Variants in FRMPD1 observed in about 807,000 individuals in gnomAD.
The protein encoded by FRMPD1 is FERM and PDZ domain containing 1.
FRMPD1 carries 76 observed loss-of-function variants against 117.8 expected under a neutral mutation model. The observed-to-expected ratio is 0.65, with a 90% CI of 0.54 to 0.78. The LOEUF is 0.78. FRMPD1 is among the 30% of genes least tolerant of loss of function. FRMPD1 has a pLI of 0.00. For missense variants in FRMPD1, 1,786 were observed against 1,964.5 expected (o/e 0.91, Z 1.72); for synonymous variants, 783 against 770.4 (o/e 1.02, Z -0.27).
intron 6 of FRMPD1, among the ~76,000 whole-genome samples, chr9:37,722,680 A>C (rs1823449020): frequency 6.6e-6 from 1 of 152,032 alleles, no homozygotes; most frequent in Non-Finnish European, 1.5e-5. Context: ...AATCTTGGGA[A>C]CTCTAAAATT....
chr9:37,645,309 T>C, the FRMPD1 span, among the ~76,000 whole-genome samples: 1 of 152,208 alleles, frequency 6.6e-6, no homozygotes, highest in South Asian at 2.1e-4. Flanking sequence ...CCCAATTCTA[T>C]ACAAATATCT....
chr9:37,704,656 A>T, intron 2 of FRMPD1, among the ~76,000 whole-genome samples: 1 of 80,830 alleles, frequency 1.2e-5, no homozygotes, highest in African/African-American at 3.6e-5. Flanking sequence ...GTTGAGTGAG[A>T]TATATATATA....
At chr9:37,647,704 T>C (rs563965767), upstream of FRMPD1, among the ~76,000 whole-genome samples, 1 of 152,198 alleles carries the variant, frequency 6.6e-6, no homozygotes, top group South Asian at 2.1e-4. Context: ...AACAAATCAT[T>C]GTAATGGGTG....
intron 5 of FRMPD1, among the ~76,000 whole-genome samples, chr9:37,716,718 T>C (rs1275008954): frequency 6.6e-6 from 1 of 152,216 alleles, no homozygotes; most frequent in East Asian, 1.9e-4. Flanking sequence ...ACTCACTTTA[T>C]CTTGTTCCCT....
intron 7 of FRMPD1, chr9:37,728,096 A>G (rs908412712): frequency 3.3e-5 from 5 of 152,216 alleles, no homozygotes; most frequent in African/African-American, 1.2e-4. Flanking sequence ...AATACTTACC[A>G]TCTGCCAGGT....
In FRMPD1 at chr9:37,700,994, C is replaced by T. The variant is rs566101678; in HGVS notation, c.102-6422C>T. Reference sequence around the variant, plus strand: ...AATATTAAATGTTCTCTATGAGGAGCGGCCATGGTTTGGTCATGTACTTAG... The same window carrying T: ...AATATTAAATGTTCTCTATGAGGAGTGGCCATGGTTTGGTCATGTACTTAG... On this transcript the variant is annotated intron_variant, in intron 2 of 15. Coordinates refer to ENST00000377765, the MANE Select transcript of FRMPD1 (RefSeq NM_014907.3). Among the ~76,000 whole-genome samples the T allele has an allele frequency of 4.6e-5, 7 of 152,274 alleles. No individual in the cohort carries two copies. In the East Asian group the frequency reaches 9.6e-4, roughly 21 times the overall value.
chr9:37,688,503 T>G (rs1302282746), intron 1 of FRMPD1, among the ~76,000 whole-genome samples: 1 of 152,046 alleles, frequency 6.6e-6, no homozygotes, highest in East Asian at 1.9e-4. Context: ...TCCAAATTCT[T>G]AAAAGTGAAC....
the FRMPD1 span, among the ~76,000 whole-genome samples, chr9:37,605,196 G>T: frequency 6.6e-6 from 1 of 152,190 alleles, no homozygotes; most frequent in Non-Finnish European, 1.5e-5. Context: ...TTTGCTGGAT[G>T]TTCCTGAACT....
chr9:37,634,862 C>A, the FRMPD1 span, among the ~76,000 whole-genome samples: 1 of 151,854 alleles, frequency 6.6e-6, no homozygotes, highest in Admixed American at 6.6e-5. Context: ...TTGACCCACC[C>A]TGTAAGTTCC....
At chr9:37,693,675 G>A (rs966057024) in intron 2 of FRMPD1, among the ~76,000 whole-genome samples, 1 of 152,230 alleles carries the variant, frequency 6.6e-6, no homozygotes, top group African/African-American at 2.4e-5. Flanking sequence ...TTGGTCTGAC[G>A]TTTCAAGCTG....
chr9:37,636,278 G>A, the FRMPD1 span, among the ~76,000 whole-genome samples: 1 of 152,190 alleles, frequency 6.6e-6, no homozygotes, highest in Admixed American at 6.5e-5. Flanking sequence ...TGCAGCCAGG[G>A]CAGTAGAGGC....
Position 37,746,514 on chromosome 9 carries a change from C to A in FRMPD1, c.4482C>A (p.Phe1494Leu). 7.4e-6 allele frequency: 12 copies of A among 1,613,692 alleles called. No homozygotes were observed. The highest frequency in any genetic ancestry group is 1.0e-5 in the Non-Finnish European group (12 of 1,180,018). ...TGCAGGGGGCCGTGCGTGACACCTT[C>A]CAGCACCTGGTCCAGCTGGCCGGCC... ...EEMQGAVRDT[F>L]QHLVQLAGLC... Residue 1494 changes from phenylalanine (F) to leucine (L), a missense_variant, in exon 16 of 16, where the codon TTC becomes TTA. Transcript: ENST00000377765.
upstream of FRMPD1, among the ~76,000 whole-genome samples, chr9:37,648,342 T>C (rs1006313230): frequency 6.6e-6 from 1 of 152,046 alleles, no homozygotes; most frequent in African/African-American, 2.4e-5. Context: ...GGTGTGCAGG[T>C]GTGGGGTGAG....
At chr9:37,644,321 CA>C in the FRMPD1 span, among the ~76,000 whole-genome samples, 10 of 152,206 alleles carry the variant, frequency 6.6e-5, no homozygotes, top group African/African-American at 1.9e-4. Context: ...GCCTTCACTG[CA>C]GACTCACTAG....
intron 1 of FRMPD1, among the ~76,000 whole-genome samples, chr9:37,689,828 A>G (rs1439494268): frequency 5.3e-5 from 8 of 152,196 alleles, no homozygotes; most frequent in Non-Finnish European, 7.4e-5. Flanking sequence ...AAAATTTGAG[A>G]ACTTCAATGG....
At chr9:37,741,053 G>A in intron 15 of FRMPD1, 169 bp downstream of exon 15, 1 of 616,260 alleles carries the variant, frequency 1.6e-6, no homozygotes, top group Non-Finnish European at 2.9e-6. Flanking sequence ...TAGGCATCGT[G>A]GCAGGCCTGC....
chr9:37,669,437 G>T (rs567406074), intron 1 of FRMPD1, among the ~76,000 whole-genome samples: 1 of 152,254 alleles, frequency 6.6e-6, no homozygotes, highest in African/African-American at 2.4e-5. Flanking sequence ...GTTTTAACAA[G>T]TCCTCCAGGT....
At chr9:37,681,972 C>G (rs993127949) in intron 1 of FRMPD1, among the ~76,000 whole-genome samples, 1 of 152,168 alleles carries the variant, frequency 6.6e-6, no homozygotes, top group East Asian at 1.9e-4. Flanking sequence ...ATTGGGGAAC[C>G]TGGTGAAACA....
In FRMPD1 at chr9:37,657,116, T is replaced by C. The variant is rs114131820; in HGVS notation, c.-5+6022T>C. ...GAATTCATCTGGATGCAACAGTGCA[T>C]CATTCTCTGAGATTTTTGACTTAAG... On this transcript the variant is annotated intron_variant, in intron 1 of 15. Coordinates refer to ENST00000377765, the MANE Select transcript of FRMPD1 (RefSeq NM_014907.3). Among the ~76,000 whole-genome samples, 1,136 of 152,328 alleles carry C rather than the reference T, an allele frequency of 7.5e-3. 18 individuals are homozygous for C. Among genetic ancestry groups the C allele is most frequent in the African/African-American group, 0.025 (1,043 of 41,574 alleles).
Sources: allele counts gnomAD v4.1 joint callset (sites outside exome capture counted in the v4.1 genomes callset), GRCh38; gene constraint gnomAD v4.1.1; transcripts MANE v1.5; gene names NCBI Gene and HGNC (gene_info 2026-07-23, HGNC 2026-07-21).